PI4KA: variants seen among roughly 807,000 people sequenced by gnomAD.
PI4KA encodes the protein phosphatidylinositol 4-kinase alpha.
PI4KA carries 122 observed loss-of-function variants against 271.4 expected under a neutral mutation model. The observed-to-expected ratio is 0.45, with a 90% confidence interval of 0.39 to 0.52. The LOEUF (loss-of-function observed/expected upper bound fraction) is 0.52. PI4KA is among the 20% of genes least tolerant of loss of function. The probability of loss-of-function intolerance (pLI) is 0.00; values close to 1 mark genes in which losing one functional copy is unlikely to be tolerated. For synonymous variants in PI4KA, 1,041 were observed against 1,078.8 expected, an observed-to-expected ratio of 0.96 and a Z score of 0.69; for missense variants, 1,969 against 2,769.1, an observed-to-expected ratio of 0.71 and a Z score of 6.48.
At chr22:20,856,938 C>G (rs1927670951) in intron 1 of PI4KA, among the ~76,000 whole-genome samples, 1 of 152,190 alleles carries the variant, frequency 6.6e-6, no homozygotes, top group Non-Finnish European at 1.5e-5. Context: ...TCACTGCATT[C>G]TCTTCTCTCT....
At chr22:20,731,935 T>A (rs5760225) in intron 36 of PI4KA, among the ~76,000 whole-genome samples, 71,432 of 131,598 alleles carry the variant, frequency 0.54, 19,309 homozygotes, top group African/African-American at 0.76. Flanking sequence ...TCTCAAAAAA[T>A]AAAAATAAAA....
chr22:20,798,446 C>T (rs906784631), intron 17 of PI4KA, 138 bp downstream of exon 17: 1 of 676,232 alleles, frequency 1.5e-6, no homozygotes. Flanking sequence ...TTCACTTCCC[C>T]CCTTATGTGT....
At chr22:20,787,159 C>T (rs1038074462) in intron 19 of PI4KA, 12 of 1,163,984 alleles carry the variant, frequency 1.0e-5, no homozygotes, top group East Asian at 7.1e-5. Context: ...GCATCATTTA[C>T]GTAGTTTACG....
At chr22:20,726,607 G>A (rs1234420310) in intron 41 of PI4KA, 66 bp from the exon 42 acceptor site, 1 of 1,409,762 alleles carries the variant, frequency 7.1e-7, no homozygotes, top group South Asian at 1.3e-5. Flanking sequence ...TACGGCCCAG[G>A]CCCTGCCTCT....
In PI4KA at chr22:20,814,569, G is replaced by A. The variant is rs567063586; in HGVS notation, c.857-1063C>T. ...ATTCAAGACCAGCCTGGGCAATATA[G>A]GGAGATCCTGTCTCTACAAAAAATA... On this transcript the variant is annotated intron_variant, in intron 7 of 54. Coordinates refer to ENST00000255882, the MANE Select transcript of PI4KA (RefSeq NM_058004.4). 5.7e-4 allele frequency among the ~76,000 whole-genome samples: 85 copies of A among 148,506 alleles called. 1 individual carries two copies. The highest frequency in any genetic ancestry group is 4.1e-3 in the Middle Eastern group (1 of 244).
intron 51 of PI4KA, 34 bp from the exon 52 acceptor site, chr22:20,710,892 T>G: frequency 6.2e-7 from 1 of 1,608,672 alleles, no homozygotes; most frequent in Middle Eastern, 2.2e-4. Flanking sequence ...TGTGACTGGG[T>G]AGGAGCCAGG....
At chr22:20,742,889 A>C in intron 30 of PI4KA, 125 bp from the exon 31 acceptor site, 10 of 752,142 alleles carry the variant, frequency 1.3e-5, no homozygotes, top group Non-Finnish European at 2.1e-5. Context: ...AGTGGAGCTC[A>C]TGCATGCAGA....
At position 20,751,308 on chromosome 22, in the gene PI4KA, C is replaced by T. The variant is rs556274694; in HGVS notation, c.3138G>A (p.Thr1046=). The T allele has an allele frequency of 8.7e-6, 14 of 1,613,756 alleles. No individual in the cohort carries two copies. The highest frequency in any genetic ancestry group is 5.0e-5 in the Admixed American group (3 of 60,004). The change falls in exon 27 of 55, where the codon ACG becomes ACA. Residue 1046 remains threonine (T), a synonymous_variant. Coordinates refer to ENST00000255882, the MANE Select transcript of PI4KA (RefSeq NM_058004.4). ...TCGGGCCTACCTCACGGGCTTCGTACGTGTCAGGAACCGTGATCCGGTAGG... is the reference window on the plus strand; with the variant it reads ...TCGGGCCTACCTCACGGGCTTCGTATGTGTCAGGAACCGTGATCCGGTAGG... ...DAPYRITVPD[T]YEARESIVKD...
Position 20,799,120 on chromosome 22 carries a change from C to G in PI4KA, c.1977G>C (p.Gln659His), listed in dbSNP as rs1313753344. ...PSPLDVLIIDQLGCLVITGNQ... is the reference protein window; with the variant it reads ...PSPLDVLIIDHLGCLVITGNQ... Reference sequence around the variant, plus strand: ...TTCCGGTGATAACCAGGCAGCCCAGCTGGTCAATAATCAGCACATCGAGGG... The same window carrying G: ...TTCCGGTGATAACCAGGCAGCCCAGGTGGTCAATAATCAGCACATCGAGGG... Residue 659 changes from glutamine to histidine, a missense_variant, in exon 16 of 55, where the codon CAG (glutamine) becomes CAC (histidine). Gln to His is a conservative substitution (Grantham distance 24). Transcript: ENST00000255882. 6.2e-7 allele frequency: 1 copy of G among 1,613,564 alleles called. No individual in the cohort carries two copies. Among genetic ancestry groups the G allele is most frequent in the Admixed American group, 1.7e-5 (1 of 59,918 alleles).
At chr22:20,732,486 C>T (rs1294082461) in intron 36 of PI4KA, among the ~76,000 whole-genome samples, 1 of 152,236 alleles carries the variant, frequency 6.6e-6, no homozygotes, top group Non-Finnish European at 1.5e-5. Flanking sequence ...TCAGACTCAG[C>T]TCAACTGTCT....
chr22:20,837,208 C>A (rs1924979798), intron 2 of PI4KA, among the ~76,000 whole-genome samples: 1 of 152,288 alleles, frequency 6.6e-6, no homozygotes, highest in South Asian at 2.1e-4. Context: ...GGCAACCTAG[C>A]AAGACCCTCA....
At chr22:20,851,849 C>G (rs1927023505) in intron 1 of PI4KA, among the ~76,000 whole-genome samples, 1 of 152,192 alleles carries the variant, frequency 6.6e-6, no homozygotes. Context: ...TGGCAATGTT[C>G]ATGAAAGGCC....
At chr22:20,726,217 G>A in intron 42 of PI4KA, 3 of 370,148 alleles carry the variant, frequency 8.1e-6, no homozygotes, top group Non-Finnish European at 9.7e-6. Context: ...TGAGAGGGAA[G>A]CCTGGCCAGG....
chr22:20,858,666 G>C lies in PI4KA; in HGVS notation c.60C>G (p.Ser20=). Residue 20 remains serine, a synonymous_variant, in exon 1 of 55, where the codon TCC becomes TCG. Transcript: ENST00000255882. Reference sequence around the variant, plus strand: ...CCCGCGAGGCGCTGGAGCCGGAGCCGGAGCAGCCGCCGCCGCCTCCGCCTC... The same window carrying C: ...CCCGCGAGGCGCTGGAGCCGGAGCCCGAGCAGCCGCCGCCGCCTCCGCCTC... ...GGGGGGGGGC[S]GSGSSASRGF... 6.8e-7 allele frequency: 1 copy of C among 1,478,264 alleles called. No individual in the cohort carries two copies. Among genetic ancestry groups the C allele is most frequent in the South Asian group, 1.3e-5 (1 of 78,084 alleles). 91.6% of individuals were successfully genotyped at this position (1,478,264 alleles called of 1,614,324 possible). A position where few individuals can be genotyped will look rare whatever the true frequency, so the allele number is the denominator to read the frequency against.
chr22:20,784,976 T>C (rs1934098322), intron 19 of PI4KA, among the ~76,000 whole-genome samples: 1 of 151,852 alleles, frequency 6.6e-6, no homozygotes, highest in Non-Finnish European at 1.5e-5. Flanking sequence ...GTCATCATGC[T>C]CTGTGAATTT....
At chr22:20,785,353 G>A (rs943063226) in intron 19 of PI4KA, among the ~76,000 whole-genome samples, 12 of 152,206 alleles carry the variant, frequency 7.9e-5, no homozygotes, top group Admixed American at 3.9e-4. Flanking sequence ...TAACAGGCGT[G>A]AGCCGCTGTG....
In PI4KA at chr22:20,765,582, T is replaced by C; in HGVS notation, c.2437+3A>G. 3 of 1,577,430 alleles carry C rather than the reference T, an allele frequency of 1.9e-6. No homozygotes were observed. Among genetic ancestry groups the C allele is most frequent in the Non-Finnish European group, 2.6e-6 (3 of 1,147,568 alleles). ...TTCACTGGGAGAGAGATGATCCCCC[T>C]ACCTGAGCCCTCCACAGCGAATCCC... is the stretch of plus-strand genomic sequence containing the variant. On this transcript the variant is annotated splice_donor_region_variant and intron_variant, in intron 20 of 54. Coordinates refer to ENST00000255882, the MANE Select transcript of PI4KA (RefSeq NM_058004.4).
At chr22:20,845,389 T>A (rs1373550152) in intron 1 of PI4KA, among the ~76,000 whole-genome samples, 1 of 152,166 alleles carries the variant, frequency 6.6e-6, no homozygotes, top group African/African-American at 2.4e-5. Flanking sequence ...GATAATTAAA[T>A]GATTTTTTTA....
At chr22:20,840,109 G>A (rs374946688) in intron 1 of PI4KA, among the ~76,000 whole-genome samples, 3 of 152,178 alleles carry the variant, frequency 2.0e-5, no homozygotes, top group East Asian at 3.9e-4. Flanking sequence ...TACAAACCTG[G>A]CAGATGAAAC....
Sources: allele counts gnomAD v4.1 joint callset (sites outside exome capture counted in the v4.1 genomes callset), GRCh38; gene constraint gnomAD v4.1.1; transcripts MANE v1.5; gene names NCBI Gene and HGNC (gene_info 2026-07-23, HGNC 2026-07-21).